The following WDFY3 variants were observed in gnomAD, a reference collection of about 807,000 sequenced individuals.
WDFY3 encodes WD repeat and FYVE domain containing 3.
A neutral mutation model predicts 409.6 loss-of-function variants in WDFY3; 66 were observed. That is an observed-to-expected ratio of 0.16 (90% CI 0.13 to 0.20). The LOEUF (loss-of-function observed/expected upper bound fraction) is 0.20. WDFY3 is among the 10% of genes least tolerant of loss of function. The pLI is 1.00. For synonymous variants in WDFY3, 1,521 were observed against 1,537.1 expected (o/e 0.99, Z 0.25); for missense variants, 3,031 against 4,298.1 (o/e 0.71, Z 8.24).
At chr4:84,674,949 C>G (rs1190477598) in intron 67 of WDFY3, among the ~76,000 whole-genome samples, 9 of 150,550 alleles carry the variant, frequency 6.0e-5, no homozygotes, top group Admixed American at 2.0e-4. Flanking sequence ...TCTATAAAAC[C>G]CATTATGGGT....
At chr4:84,693,142 G>A (rs558867638) in intron 58 of WDFY3, 110 bp from the exon 59 acceptor site, 3 of 1,158,588 alleles carry the variant, frequency 2.6e-6, no homozygotes, top group African/African-American at 3.2e-5. Flanking sequence ...AGAACTATTA[G>A]GTACTATATT....
chr4:84,808,535 A>G (rs1751918659), intron 14 of WDFY3, 118 bp from the exon 15 acceptor site: 1 of 751,134 alleles, frequency 1.3e-6, no homozygotes, highest in South Asian at 1.7e-5. Flanking sequence ...AACATCTTCC[A>G]TATTCAGCAG....
intron 4 of WDFY3, among the ~76,000 whole-genome samples, chr4:84,859,099 C>G (rs573436651): frequency 6.6e-6 from 1 of 151,136 alleles, no homozygotes; most frequent in South Asian, 2.1e-4. Context: ...GGAAAAAGAG[C>G]GAGAGAAGGG....
At chr4:84,925,814 A>G (rs1343081597) in intron 2 of WDFY3, among the ~76,000 whole-genome samples, 1 of 152,090 alleles carries the variant, frequency 6.6e-6, no homozygotes, top group Non-Finnish European at 1.5e-5. Context: ...CAAATGGTCC[A>G]GCAGTGCCAC....
rs116086808 is a variant in WDFY3, at chr4:84,791,647, A to C, written c.3488-1740T>G. Reference sequence around the variant, plus strand: ...CTTGCTATATGCTATGCTCAACGACACAAGAGGACAACTATCTATTATTAG... The same window carrying C: ...CTTGCTATATGCTATGCTCAACGACCCAAGAGGACAACTATCTATTATTAG... On this transcript the variant is annotated intron_variant, in intron 21 of 67. Transcript: ENST00000295888. Among the ~76,000 whole-genome samples the C allele has an allele frequency of 9.0e-3, 1,370 of 152,322 alleles. 12 individuals carry two copies. The highest frequency in any genetic ancestry group is 0.034 in the Middle Eastern group (10 of 294).
rs546318740 is a variant in WDFY3, at chr4:84,724,989, C to T, written c.7273-395G>A. Reference sequence around the variant, plus strand: ...TGAGGAGCCTGGAACTTCACTTCCACCCCAAGTGAAGTAATTAGGTCAGGC... The same window carrying T: ...TGAGGAGCCTGGAACTTCACTTCCATCCCAAGTGAAGTAATTAGGTCAGGC... On this transcript the variant is annotated intron_variant, in intron 45 of 67. Transcript: ENST00000295888. Among the ~76,000 whole-genome samples, 4 of 152,302 alleles carry T rather than the reference C, an allele frequency of 2.6e-5. No homozygotes were observed. In the South Asian group the frequency reaches 6.2e-4, roughly 24 times the overall value.
chr4:84,842,843 A>T (rs1369899710), intron 5 of WDFY3, among the ~76,000 whole-genome samples: 3 of 152,248 alleles, frequency 2.0e-5, no homozygotes, highest in African/African-American at 7.2e-5. Flanking sequence ...AGTAGAAAGT[A>T]GAAAATAAGA....
At position 84,850,952 on chromosome 4, in the gene WDFY3, T is replaced by G. The variant is rs904057930; in HGVS notation, c.181-927A>C. 7.8e-5 allele frequency among the ~76,000 whole-genome samples: 7 copies of G among 89,414 alleles called. No individual in the cohort carries two copies. The South Asian group carries it at 1.8e-3, about 22-fold the overall frequency. The allele number at this position is 89,414 out of a possible 152,430, so 58.7% of individuals were successfully genotyped here. A position where few individuals can be genotyped will look rare whatever the true frequency, so the allele number is the denominator to read the frequency against. ...TGTTTTTTTTTTTTTTTTTTTTTTT[T>G]TTTTTTTTTTTTTTTTTGAGAACTG... On this transcript the variant is annotated intron_variant, in intron 4 of 67. Transcript: ENST00000295888.
At chr4:84,785,207 C>T (rs984327938) in intron 24 of WDFY3, among the ~76,000 whole-genome samples, 2 of 152,030 alleles carry the variant, frequency 1.3e-5, no homozygotes, top group Non-Finnish European at 2.9e-5. Flanking sequence ...TAAGACCCAT[C>T]GTCACTCTGG....
chr4:84,773,015 G>T, intron 29 of WDFY3, 86 bp from the exon 30 acceptor site: 1 of 957,296 alleles, frequency 1.0e-6, no homozygotes, highest in Non-Finnish European at 1.5e-6. Flanking sequence ...AAAATACAAA[G>T]AATAAAAACC....
chr4:84,865,965 G>A (rs1354156831), intron 3 of WDFY3, among the ~76,000 whole-genome samples: 1 of 152,096 alleles, frequency 6.6e-6, no homozygotes, highest in Non-Finnish European at 1.5e-5. Context: ...AGCTACTAGG[G>A]AGGCTGAGAT....
Position 84,927,453 on chromosome 4 carries a change from A to C in WDFY3, c.-132+4817T>G, listed in dbSNP as rs917961777. Among the ~76,000 whole-genome samples, 6 of 152,320 alleles carry C rather than the reference A, an allele frequency of 3.9e-5. No homozygotes were observed. In the East Asian group the frequency reaches 5.8e-4, roughly 15 times the overall value. On this transcript the variant is annotated intron_variant, in intron 2 of 67. Transcript: ENST00000295888. ...AATTACAGAAAGAACCCATAAAATA[A>C]GTTTCCAAATATGATGGTGGTTGAT...
At chr4:84,766,519 A>C (rs1375761700) in intron 30 of WDFY3, 147 bp from the exon 31 acceptor site, 12 of 734,524 alleles carry the variant, frequency 1.6e-5, no homozygotes, top group African/African-American at 3.8e-5. Context: ...GACAAGAAAA[A>C]GGGTCAGTTA....
intron 3 of WDFY3, among the ~76,000 whole-genome samples, chr4:84,872,323 G>A (rs1473822860): frequency 6.6e-6 from 1 of 152,020 alleles, no homozygotes; most frequent in Non-Finnish European, 1.5e-5. Flanking sequence ...AAATTAGCCA[G>A]GCGTGGTGGA....
chr4:84,774,863 T>A lies in WDFY3; in HGVS notation c.4711A>T (p.Ser1571Cys). The A allele has an allele frequency of 6.2e-7, 1 of 1,613,930 alleles. No homozygotes were observed. The highest frequency in any genetic ancestry group is 8.5e-7 in the Non-Finnish European group (1 of 1,179,912). ...PTIAAISNVL[S>C]FLLQGFPSSN... ...CTAGGAAAACCTTGCAGTAAGAAGCTCAGGACATTACTAATAGCAGCAATA... is the reference window on the plus strand; with the variant it reads ...CTAGGAAAACCTTGCAGTAAGAAGCACAGGACATTACTAATAGCAGCAATA... The change falls in exon 29 of 68, where the codon AGC (serine) becomes TGC (cysteine). Residue 1571 changes from serine (S) to cysteine (C), a missense_variant. Coordinates refer to ENST00000295888, the MANE Select transcript of WDFY3 (RefSeq NM_014991.6).
At chr4:84,850,061 G>T in intron 4 of WDFY3, 36 bp from the exon 5 acceptor site, 1 of 1,536,616 alleles carries the variant, frequency 6.5e-7, no homozygotes, top group South Asian at 1.3e-5. Context: ...ATGAAGCACT[G>T]ACAAATTTTT....
At chr4:84,755,135 A>T in intron 34 of WDFY3, 131 bp downstream of exon 34, 3 of 1,326,660 alleles carry the variant, frequency 2.3e-6, no homozygotes, top group Non-Finnish European at 3.1e-6. Context: ...TTTGTCTAAC[A>T]TAAGAGTCTG....
chr4:84,768,894 C>A (rs1578432971), intron 30 of WDFY3, among the ~76,000 whole-genome samples: 1 of 152,278 alleles, frequency 6.6e-6, no homozygotes, highest in East Asian at 1.9e-4. Flanking sequence ...AAATTCACCA[C>A]TTTAGACGCC....
At chr4:84,963,711 A>G (rs1202967248) in intron 1 of WDFY3, among the ~76,000 whole-genome samples, 3 of 152,208 alleles carry the variant, frequency 2.0e-5, no homozygotes, top group African/African-American at 7.2e-5. Flanking sequence ...AACATCAATC[A>G]AATGGTATTA....
Sources: gnomAD v4.1 joint callset for allele counts (sites outside exome capture counted in the v4.1 genomes callset) on GRCh38, gnomAD v4.1.1 for gene constraint, MANE v1.5 for transcripts, NCBI Gene and HGNC (gene_info 2026-07-23, HGNC 2026-07-21) for gene names.